Variants in PACRG observed in about 807,000 individuals in gnomAD.
PACRG encodes parkin coregulated.
A neutral mutation model predicts 29.7 loss-of-function variants in PACRG; 29 were observed. The observed-to-expected ratio is 0.98, with a 90% CI of 0.73 to 1.33. The LOEUF is 1.33. Among genes scored for constraint, PACRG ranks in the 40% most tolerant of loss-of-function variants. The pLI is 0.00. For missense variants in PACRG, 279 were observed against 316.2 expected (o/e 0.88, Z 0.89); for synonymous variants, 116 against 118.7 (o/e 0.98, Z 0.15).
chr6:163,171,520 C>G (rs1416603928), intron 4 of PACRG, among the ~76,000 whole-genome samples: 1 of 152,226 alleles, frequency 6.6e-6, no homozygotes, highest in African/African-American at 2.4e-5. Flanking sequence ...GACCACACAA[C>G]TATCTGATCT....
At chr6:162,727,956 C>A, upstream of PACRG, 1 of 597,422 alleles carries the variant, frequency 1.7e-6, no homozygotes, top group East Asian at 2.8e-5. Flanking sequence ...GGCTATGCGC[C>A]CGCCGTGTTG....
At chr6:163,141,357 G>T (rs1817143635) in intron 4 of PACRG, among the ~76,000 whole-genome samples, 1 of 151,730 alleles carries the variant, frequency 6.6e-6, no homozygotes, top group Non-Finnish European at 1.5e-5. Context: ...CCACAGCTAA[G>T]ACTGAGATAC....
chr6:163,238,211 A>G (rs1562332514), intron 4 of PACRG, among the ~76,000 whole-genome samples: 1 of 152,208 alleles, frequency 6.6e-6, no homozygotes, highest in Non-Finnish European at 1.5e-5. Context: ...TTATTTAAGA[A>G]TGTTTTGTAT....
chr6:163,205,522 A>C (rs1022169177), intron 4 of PACRG, among the ~76,000 whole-genome samples: 1 of 152,184 alleles, frequency 6.6e-6, no homozygotes, highest in Admixed American at 6.5e-5. Context: ...AGAAGATTCA[A>C]ACTGGACCCC....
In PACRG at chr6:163,015,684, A is replaced by G. The variant is rs1806029029; in HGVS notation, c.292-46466A>G. ...GTGTATAGAAATGCTACTGATTTTT[A>G]TACATTGATTTTGTATCCTGAAACT... On this transcript the variant is annotated intron_variant, in intron 2 of 4. Coordinates refer to ENST00000366888, the MANE Select transcript of PACRG (RefSeq NM_001080379.2). Among the ~76,000 whole-genome samples the G allele has an allele frequency of 1.3e-5, 2 of 152,064 alleles. 1 individual carries two copies. Among genetic ancestry groups the G allele is most frequent in the South Asian group, 4.1e-4 (2 of 4,830 alleles).
chr6:162,918,083 C>T (rs975246804), intron 2 of PACRG, among the ~76,000 whole-genome samples: 3 of 152,110 alleles, frequency 2.0e-5, no homozygotes, highest in African/African-American at 7.2e-5. Context: ...TTTTAGACCA[C>T]TGCAGTGTTC....
chr6:163,038,564 A>G (rs1022607691), intron 2 of PACRG, among the ~76,000 whole-genome samples: 1 of 152,222 alleles, frequency 6.6e-6, no homozygotes, highest in African/African-American at 2.4e-5. Context: ...TCCAGAGGTC[A>G]TTTGAGAACT....
intron 2 of PACRG, among the ~76,000 whole-genome samples, chr6:162,911,428 A>C (rs897855243): frequency 6.6e-6 from 1 of 152,250 alleles, no homozygotes; most frequent in Non-Finnish European, 1.5e-5. Context: ...GTTCTGGGCC[A>C]ATGGCCTGAA....
intron 1 of PACRG, among the ~76,000 whole-genome samples, chr6:162,806,249 C>T (rs530702470): frequency 6.6e-6 from 1 of 151,966 alleles, no homozygotes; most frequent in South Asian, 2.1e-4. Flanking sequence ...TCTGGGATCA[C>T]AGGCATGCAC....
chr6:162,978,392 T>C (rs898217903), intron 2 of PACRG, among the ~76,000 whole-genome samples: 6 of 152,168 alleles, frequency 3.9e-5, no homozygotes. Context: ...AATACCAGTT[T>C]TATTTTAGAA....
At chr6:163,234,335 T>C (rs945056024) in intron 4 of PACRG, among the ~76,000 whole-genome samples, 3 of 152,124 alleles carry the variant, frequency 2.0e-5, no homozygotes, top group Non-Finnish European at 4.4e-5. Context: ...GAGTTCTCAC[T>C]CTTAGTTCCT....
intron 4 of PACRG, among the ~76,000 whole-genome samples, chr6:163,107,433 T>C (rs1175957944): frequency 6.6e-6 from 1 of 152,188 alleles, no homozygotes; most frequent in South Asian, 2.1e-4. Flanking sequence ...TCATTGGTGG[T>C]GGATCCCAGT....
At chr6:163,145,730 G>A (rs1330114708) in intron 4 of PACRG, among the ~76,000 whole-genome samples, 3 of 152,202 alleles carry the variant, frequency 2.0e-5, no homozygotes, top group Non-Finnish European at 1.5e-5. Flanking sequence ...GGGATGACGG[G>A]CATGGAAGTT....
intron 4 of PACRG, among the ~76,000 whole-genome samples, chr6:163,130,537 T>A (rs775024821): frequency 6.6e-6 from 1 of 152,198 alleles, no homozygotes; most frequent in Non-Finnish European, 1.5e-5. Context: ...TGGAAGCATC[T>A]GACCACAGCA....
intron 2 of PACRG, among the ~76,000 whole-genome samples, chr6:162,985,583 A>G (rs1017620483): frequency 6.6e-5 from 10 of 152,266 alleles, no homozygotes; most frequent in Admixed American, 2.0e-4. Context: ...ATGTATGACA[A>G]TCCCACAGCC....
intron 3 of PACRG, among the ~76,000 whole-genome samples, chr6:163,084,851 C>CATATATATAAT (rs55973249): frequency 1.1e-4 from 15 of 138,684 alleles, no homozygotes; most frequent in East Asian, 2.3e-4. Context: ...CATATGTGTG[C>CATATATATAAT]ATATATATAA....
At chr6:162,788,024 C>T (rs949618935) in intron 1 of PACRG, among the ~76,000 whole-genome samples, 3 of 152,132 alleles carry the variant, frequency 2.0e-5, no homozygotes, top group South Asian at 2.1e-4. Context: ...TGCACTGACA[C>T]ATCATTGTCC....
chr6:162,774,838 A>G (rs1436228851), intron 1 of PACRG, among the ~76,000 whole-genome samples: 2 of 152,132 alleles, frequency 1.3e-5, no homozygotes, highest in East Asian at 3.9e-4. Context: ...TCAGAATGTA[A>G]TATTTTAATT....
intron 4 of PACRG, among the ~76,000 whole-genome samples, chr6:163,296,098 T>G (rs928567830): frequency 1.3e-5 from 2 of 152,196 alleles, no homozygotes; most frequent in Non-Finnish European, 2.9e-5. Flanking sequence ...CCATTTTACT[T>G]TATTCTTCAG....
Sources: gnomAD v4.1 joint callset for allele counts (sites outside exome capture counted in the v4.1 genomes callset) on GRCh38, gnomAD v4.1.1 for gene constraint, MANE v1.5 for transcripts, NCBI Gene and HGNC (gene_info 2026-07-23, HGNC 2026-07-21) for gene names.